ZNF254: variants seen among roughly 807,000 people sequenced by gnomAD.
ZNF254 encodes zinc finger protein 254.
A neutral mutation model predicts 12.4 loss-of-function variants in ZNF254; 10 were observed. That is an observed-to-expected ratio of 0.80 (90% CI 0.50 to 1.36). ZNF254 has a LOEUF of 1.36. Among genes scored for constraint, ZNF254 ranks in the 40% most tolerant of loss-of-function variants. The probability of loss-of-function intolerance (pLI) is 0.00; values close to 1 mark genes in which losing one functional copy is unlikely to be tolerated. For synonymous variants in ZNF254, 305 were observed against 253.4 expected (o/e 1.20, Z -1.93); for missense variants, 996 against 763.9 (o/e 1.30, Z -3.58).
chr19:24,063,674 A>G (rs66499476), intron 2 of ZNF254: 22,581 of 152,158 alleles, frequency 0.15, 1,936 homozygotes, highest in Middle Eastern at 0.23. Context: ...GGGGTACTGG[A>G]ACATATTGTT....
Position 24,128,042 on chromosome 19 carries a change from G to C in ZNF254, c.*62G>C. 2.1e-6 allele frequency: 3 copies of C among 1,442,936 alleles called. No individual in the cohort carries two copies. In the African/African-American group the frequency reaches 4.3e-5, roughly 20 times the overall value. 89.4% of individuals were successfully genotyped at this position (1,442,936 alleles called of 1,614,324 possible). ...AATAGATATAAGATTATTCCTACTG[G>C]AGAGAAACTACAAACCTGAGAGAGG... On this transcript the variant is annotated 3_prime_UTR_variant, in exon 4 of 4. Transcript: ENST00000357002.
intron 3 of ZNF254, among the ~76,000 whole-genome samples, chr19:24,118,057 C>CTT (rs1383003980): frequency 1.4e-5 from 2 of 142,020 alleles, no homozygotes; most frequent in Non-Finnish European, 3.1e-5. Context: ...TTTTTCTTTT[C>CTT]TTTTTTTTTT....
chr19:24,068,343 C>T (rs968525926), intron 2 of ZNF254, among the ~76,000 whole-genome samples: 4 of 151,986 alleles, frequency 2.6e-5, no homozygotes, highest in Non-Finnish European at 4.4e-5. Flanking sequence ...CTCTGTTGCC[C>T]AGGTTGGAGT....
intron 2 of ZNF254, among the ~76,000 whole-genome samples, chr19:24,076,447 A>G (rs1031569393): frequency 6.6e-6 from 1 of 152,182 alleles, no homozygotes; most frequent in South Asian, 2.1e-4. Context: ...CCCAGCTTAC[A>G]GGAAGATTAT....
chr19:24,109,389 G>A (rs1052097972), intron 3 of ZNF254, among the ~76,000 whole-genome samples: 5 of 151,990 alleles, frequency 3.3e-5, no homozygotes, highest in Admixed American at 1.3e-4. Flanking sequence ...CATTAATGTT[G>A]CCAACTAGAT....
At chr19:24,049,212 ATATT>A (rs1397987602) in intron 2 of ZNF254, among the ~76,000 whole-genome samples, 3 of 42,250 alleles carry the variant, frequency 7.1e-5, no homozygotes, top group Admixed American at 2.6e-4. Flanking sequence ...ATATATATAT[ATATT>A]TTTTTTTTTT....
intron 3 of ZNF254, among the ~76,000 whole-genome samples, chr19:24,108,173 G>A (rs996445208): frequency 3.2e-4 from 48 of 152,164 alleles, no homozygotes; most frequent in African/African-American, 1.1e-3. Flanking sequence ...CTGGAACTGA[G>A]TCATGGAACT....
intron 1 of ZNF254, among the ~76,000 whole-genome samples, chr19:24,091,302 G>T (rs1468320247): frequency 1.5e-5 from 2 of 133,308 alleles, no homozygotes; most frequent in South Asian, 2.4e-4. Flanking sequence ...TAGCTACCAA[G>T]GAAAAAAATA....
chr19:24,080,367 G>C (rs1023831096), intron 2 of ZNF254: 4 of 152,220 alleles, frequency 2.6e-5, no homozygotes, highest in Admixed American at 2.6e-4. Context: ...CACTGGAAGA[G>C]GGTTTGTCCA....
chr19:24,069,554 A>G (rs1212831529), intron 2 of ZNF254, among the ~76,000 whole-genome samples: 1 of 143,848 alleles, frequency 7.0e-6, no homozygotes, highest in Non-Finnish European at 1.5e-5. Context: ...GCAGTGAGCC[A>G]AGATCACGCC....
At chr19:24,043,781 G>A (rs1970268198) in intron 1 of ZNF254, among the ~76,000 whole-genome samples, 1 of 152,152 alleles carries the variant, frequency 6.6e-6, no homozygotes, top group African/African-American at 2.4e-5. Flanking sequence ...TTCTGTGGGT[G>A]TGTGCATAAA....
chr19:24,085,408 G>GTATATATATATATATATATATATATA (rs377541868), upstream of ZNF254, among the ~76,000 whole-genome samples: 5,150 of 32,302 alleles, frequency 0.16, 1,202 homozygotes, highest in Admixed American at 0.22. Context: ...TTTGTTAAGG[G>GTATATATATATATATATATATATATA]TATATATATA....
chr19:24,066,230 T>A (rs1971265144), intron 2 of ZNF254: 2 of 152,128 alleles, frequency 1.3e-5, no homozygotes, highest in Admixed American at 6.5e-5. Flanking sequence ...AGATGATATA[T>A]TTCTCCTGCC....
intron 2 of ZNF254, among the ~76,000 whole-genome samples, chr19:24,067,365 A>G (rs1440607173): frequency 6.6e-6 from 1 of 151,488 alleles, no homozygotes; most frequent in Non-Finnish European, 1.5e-5. Flanking sequence ...TCATTGTGAC[A>G]TATCTATGGG....
upstream of ZNF254, among the ~76,000 whole-genome samples, chr19:24,085,849 A>G (rs530645654): frequency 2.0e-5 from 3 of 152,260 alleles, no homozygotes; most frequent in South Asian, 6.2e-4. Flanking sequence ...TCTACTTTGA[A>G]ATTATTTAAA....
chr19:24,055,158 A>G (rs1226140943), intron 2 of ZNF254, among the ~76,000 whole-genome samples: 3 of 121,150 alleles, frequency 2.5e-5, no homozygotes, highest in Non-Finnish European at 3.2e-5. Flanking sequence ...AATTGAGATC[A>G]TGCCACTGTA....
chr19:24,121,007 A>G (rs1416673011), intron 3 of ZNF254, among the ~76,000 whole-genome samples: 1 of 151,468 alleles, frequency 6.6e-6, no homozygotes. Flanking sequence ...TTAAAACTGC[A>G]GGATTACAGG....
At chr19:24,084,328 C>G (rs565892145), upstream of ZNF254, among the ~76,000 whole-genome samples, 1 of 151,806 alleles carries the variant, frequency 6.6e-6, no homozygotes, top group South Asian at 2.1e-4. Context: ...ATTGTATGTT[C>G]TCACTTATAA....
chr19:24,046,095 A>G (rs1234561575), intron 1 of ZNF254: 2 of 152,002 alleles, frequency 1.3e-5, no homozygotes, highest in Non-Finnish European at 1.5e-5. Context: ...AATCTTATAT[A>G]ATGTCCCCTT....
Sources: gnomAD v4.1 joint callset for allele counts (sites outside exome capture counted in the v4.1 genomes callset) on GRCh38, gnomAD v4.1.1 for gene constraint, MANE v1.5 for transcripts, NCBI Gene and HGNC (gene_info 2026-07-23, HGNC 2026-07-21) for gene names.